The following FYN variants were observed in gnomAD, a reference collection of about 807,000 sequenced individuals.
The protein encoded by FYN is tyrosine-protein kinase Fyn.
FYN carries 10 observed loss-of-function variants against 70.2 expected under a neutral mutation model. The observed-to-expected ratio is 0.14, with a 90% confidence interval of 0.09 to 0.24. FYN has a LOEUF of 0.24. FYN is among the 10% of genes least tolerant of loss of function. The probability of loss-of-function intolerance (pLI) is 1.00; values close to 1 mark genes in which losing one functional copy is unlikely to be tolerated. For missense variants in FYN, 319 were observed against 673.1 expected (o/e 0.47, Z 5.82); for synonymous variants, 236 against 248.6 (o/e 0.95, Z 0.48).
intron 2 of FYN, among the ~76,000 whole-genome samples, chr6:111,790,247 TACACACACACACACAC>T (rs61565042): frequency 0.016 from 2,067 of 125,946 alleles, 17 homozygotes; most frequent in Admixed American, 0.024. Flanking sequence ...GAACCTTAGA[TACACACACACACACAC>T]ACACACACAC....
chr6:111,764,216 CAA>C (rs11409465), intron 3 of FYN, among the ~76,000 whole-genome samples: 4 of 58,384 alleles, frequency 6.9e-5, no homozygotes, highest in Non-Finnish European at 8.4e-5. Flanking sequence ...TTTTGTCAAG[CAA>C]AAAAAAAAAA....
intron 2 of FYN, 59 bp from the exon 3 acceptor site, chr6:111,780,694 A>G (rs183871157): frequency 6.6e-6 from 1 of 152,524 alleles, no homozygotes; most frequent in East Asian, 1.9e-4. Context: ...ATAATTGAAC[A>G]CATATTATGT....
intron 2 of FYN, among the ~76,000 whole-genome samples, chr6:111,799,905 C>T (rs1162871779): frequency 6.6e-6 from 1 of 152,222 alleles, no homozygotes; most frequent in Admixed American, 6.5e-5. Context: ...GTGACATTTC[C>T]AGCACTGGTT....
intron 4 of FYN, among the ~76,000 whole-genome samples, chr6:111,717,082 C>T (rs187463612): frequency 1.3e-5 from 2 of 152,204 alleles, no homozygotes; most frequent in Admixed American, 1.3e-4. Context: ...CTGCGCCTGG[C>T]CGAGATTTAA....
intron 2 of FYN, among the ~76,000 whole-genome samples, chr6:111,834,317 G>A (rs548496567): frequency 6.6e-6 from 1 of 152,084 alleles, no homozygotes; most frequent in African/African-American, 2.4e-5. Context: ...GTGTGAGTGA[G>A]TGTGGATACA....
intron 2 of FYN, among the ~76,000 whole-genome samples, chr6:111,836,628 C>T (rs1280672607): frequency 2.6e-5 from 4 of 152,028 alleles, no homozygotes; most frequent in Non-Finnish European, 5.9e-5. Flanking sequence ...ATTAGCCAGG[C>T]GCTGTAGCAG....
intron 3 of FYN, among the ~76,000 whole-genome samples, chr6:111,773,591 A>AGGGG (rs1184480681): frequency 1.8e-5 from 1 of 54,562 alleles, no homozygotes; most frequent in Admixed American, 2.4e-4. Flanking sequence ...GGGGAGGGAA[A>AGGGG]GGGAAAGGGA....
chr6:111,812,705 G>A (rs1372110003), intron 2 of FYN, among the ~76,000 whole-genome samples: 1 of 146,112 alleles, frequency 6.8e-6, no homozygotes, highest in Non-Finnish European at 1.5e-5. Context: ...GGCACAGAAT[G>A]AGGCCAGAGA....
At chr6:111,733,983 G>A (rs12205980) in intron 3 of FYN, among the ~76,000 whole-genome samples, 8,366 of 152,162 alleles carry the variant, frequency 0.055, 329 homozygotes, top group Non-Finnish European at 0.088. Flanking sequence ...GTTACTTGGG[G>A]GGCTGGGGCG....
At chr6:111,699,939 AGG>A in intron 9 of FYN, 163 bp downstream of exon 9, 1 of 156,908 alleles carries the variant, frequency 6.4e-6, no homozygotes. Context: ...TTTTTTTTTT[AGG>A]AATTCCAGAA....
intron 3 of FYN, among the ~76,000 whole-genome samples, chr6:111,767,675 C>G (rs576276395): frequency 6.6e-6 from 1 of 152,226 alleles, no homozygotes; most frequent in Non-Finnish European, 1.5e-5. Flanking sequence ...GCTGGGATTA[C>G]AGGCATGGGT....
intron 2 of FYN, among the ~76,000 whole-genome samples, chr6:111,832,511 C>A (rs572786966): frequency 6.6e-6 from 1 of 152,168 alleles, no homozygotes; most frequent in Admixed American, 6.5e-5. Flanking sequence ...TTCTTCCTAT[C>A]CAATCTTCAC....
chr6:111,668,351 C>T (rs942838983), intron 13 of FYN, among the ~76,000 whole-genome samples: 72 of 152,150 alleles, frequency 4.7e-4, no homozygotes, highest in African/African-American at 1.7e-3. Flanking sequence ...TTTCTCTTTC[C>T]TCATCTTGCC....
intron 2 of FYN, among the ~76,000 whole-genome samples, chr6:111,830,071 T>C (rs1340599071): frequency 1.3e-5 from 2 of 152,124 alleles, no homozygotes; most frequent in African/African-American, 4.8e-5. Flanking sequence ...ACTGACTCAA[T>C]GGAGCCAGAC....
intron 2 of FYN, among the ~76,000 whole-genome samples, chr6:111,829,003 A>G: frequency 6.6e-6 from 1 of 152,212 alleles, no homozygotes; most frequent in East Asian, 1.9e-4. Context: ...CAAGAGGGGG[A>G]TATAACAAGC....
chr6:111,834,330 T>C lies in FYN; in HGVS notation c.-82+12259A>G, dbSNP rs147472653. Among the ~76,000 whole-genome samples, 564 of 152,242 alleles carry C rather than the reference T, an allele frequency of 3.7e-3. 2 individuals are homozygous for C. The highest frequency in any genetic ancestry group is 4.7e-3 in the Admixed American group (72 of 15,304). ...ATGTGTGAGTGAGTGTGGATACACATACACACACCTATTCCTTTGTATGCC... is the reference window on the plus strand; with the variant it reads ...ATGTGTGAGTGAGTGTGGATACACACACACACACCTATTCCTTTGTATGCC... On this transcript the variant is annotated intron_variant, in intron 2 of 13. Transcript: ENST00000354650.
chr6:111,817,642 A>G (rs1772531561), intron 2 of FYN, among the ~76,000 whole-genome samples: 1 of 152,200 alleles, frequency 6.6e-6, no homozygotes. Flanking sequence ...CTCTGTGTGC[A>G]TCCAAGTGCA....
chr6:111,735,921 G>A (rs1187641787), intron 3 of FYN, among the ~76,000 whole-genome samples: 1 of 152,208 alleles, frequency 6.6e-6, no homozygotes, highest in African/African-American at 2.4e-5. Flanking sequence ...CATTATCTGA[G>A]AGCCCTGGCA....
intron 12 of FYN, among the ~76,000 whole-genome samples, chr6:111,678,547 C>T (rs1435360909): frequency 6.6e-6 from 1 of 152,156 alleles, no homozygotes; most frequent in African/African-American, 2.4e-5. Flanking sequence ...ACTATCTTGA[C>T]CCCAATGATG....
Sources: allele counts gnomAD v4.1 joint callset (sites outside exome capture counted in the v4.1 genomes callset), GRCh38; gene constraint gnomAD v4.1.1; transcripts MANE v1.5; gene names NCBI Gene and HGNC (gene_info 2026-07-23, HGNC 2026-07-21).